Variants in PRC1 observed in about 807,000 individuals in gnomAD.
PRC1 encodes the protein anaphase spindle elongation 1 homolog.
A neutral mutation model predicts 91.2 loss-of-function variants in PRC1; 54 were observed. The observed-to-expected ratio is 0.59, with a 90% CI of 0.48 to 0.74. The LOEUF is 0.74. Among genes scored for constraint, PRC1 ranks in the 30% least tolerant of loss-of-function variants. The pLI is 0.00. For missense variants in PRC1, 727 were observed against 746.2 expected (o/e 0.97, Z 0.30); for synonymous variants, 275 against 263.6 (o/e 1.04, Z -0.42).
intron 3 of PRC1, among the ~76,000 whole-genome samples, chr15:90,983,286 G>C (rs184037189): frequency 6.6e-6 from 1 of 152,258 alleles, no homozygotes; most frequent in East Asian, 1.9e-4. Flanking sequence ...AACAGGAAGA[G>C]GGACCTGAGA....
chr15:90,977,281 A>C (rs2038802590), intron 8 of PRC1: 1 of 152,738 alleles, frequency 6.5e-6, no homozygotes, highest in Non-Finnish European at 1.5e-5. Context: ...ACTGACTTAT[A>C]AACACCACTA....
rs2038731805 is a variant in PRC1 at position 90,976,704 on chromosome 15, CGTT to C, written c.1172_1174del (p.Gln391del). 2 of 1,613,380 alleles carry C rather than the reference CGTT, an allele frequency of 1.2e-6. No homozygotes were observed. The highest frequency in any genetic ancestry group is 2.7e-5 in the African/African-American group (2 of 74,994). ...GGGCAGCATTTTCTGGAGCTTGGCT[CGTT>C]GTTTTTCTTCTTTTAGAAGATTTCC... On this transcript the variant is annotated inframe_deletion, in exon 9 of 15. Transcript: ENST00000394249.
intron 8 of PRC1, among the ~76,000 whole-genome samples, chr15:90,978,803 C>T (rs981013145): frequency 6.9e-6 from 1 of 144,914 alleles, no homozygotes; most frequent in African/African-American, 2.6e-5. Flanking sequence ...GGAGCTCTAG[C>T]AGCCATCCTG....
chr15:90,987,652 G>A (rs2039681310), intron 1 of PRC1: 2 of 152,102 alleles, frequency 1.3e-5, no homozygotes, highest in South Asian at 4.1e-4. Flanking sequence ...AACTAAGACT[G>A]CCCTGGCACC....
At chr15:90,982,864 C>T (rs543648525) in intron 3 of PRC1, 3 of 152,268 alleles carry the variant, frequency 2.0e-5, no homozygotes, top group African/African-American at 7.2e-5. Context: ...TGAACATCGT[C>T]TCACCTTAGC....
intron 1 of PRC1, among the ~76,000 whole-genome samples, chr15:90,992,950 C>T (rs1382423001): frequency 1.3e-5 from 2 of 151,210 alleles, no homozygotes; most frequent in Admixed American, 6.6e-5. Context: ...CAACCTGTTT[C>T]GGGGATCGAT....
rs76133275 is a variant in PRC1 at position 90,978,374 on chromosome 15, G to C, written c.1107+784C>G. Among the ~76,000 whole-genome samples the C allele has an allele frequency of 3.8e-3, 574 of 152,258 alleles. 8 individuals are homozygous for C. The highest frequency in any genetic ancestry group is 9.2e-3 in the African/African-American group (381 of 41,536). ...GCAGGTGACAGAGCATGTGAGCCAC[G>C]GTGCTGTGAAGAGAGCCGGGAAGAG... On this transcript the variant is annotated intron_variant, in intron 8 of 14. Coordinates refer to ENST00000394249, the MANE Select transcript of PRC1 (RefSeq NM_003981.4).
chr15:90,989,196 T>C (rs748284292), intron 1 of PRC1, among the ~76,000 whole-genome samples: 1 of 152,060 alleles, frequency 6.6e-6, no homozygotes, highest in Non-Finnish European at 1.5e-5. Flanking sequence ...AGACACTGCT[T>C]GTGGGCATGC....
chr15:90,967,858 A>G (rs2037660832), intron 14 of PRC1: 1 of 985,480 alleles, frequency 1.0e-6, no homozygotes, highest in Non-Finnish European at 1.2e-6. Context: ...GAGCTACTTT[A>G]GAGTTGTCAA....
intron 6 of PRC1, 39 bp downstream of exon 6, chr15:90,980,843 TAA>T (rs1213483209): frequency 1.2e-6 from 2 of 1,613,326 alleles, no homozygotes; most frequent in South Asian, 2.2e-5. Flanking sequence ...ACAGAAGTGC[TAA>T]GAGAAGACTG....
chr15:90,976,845 T>C lies in PRC1; in HGVS notation c.1108-74A>G, dbSNP rs2038744676. On this transcript the variant is annotated intron_variant, in intron 8 of 14. Transcript: ENST00000394249. The stretch of plus-strand genomic sequence containing the variant: ...CAATAACTTCTGCTAAGATTCTTTG[T>C]TCTCGCCAGGCGTGGTGACTCACAC... The C allele has an allele frequency of 2.3e-6, 3 of 1,312,150 alleles. No homozygotes were observed. The Admixed American group carries it at 5.4e-5, about 24-fold the overall frequency. 81.3% of individuals were successfully genotyped at this position (1,312,150 alleles called of 1,614,324 possible).
chr15:90,983,850 G>GA, intron 3 of PRC1, 168 bp downstream of exon 3: 1 of 860,522 alleles, frequency 1.2e-6, no homozygotes, highest in Non-Finnish European at 1.7e-6. Context: ...CTACAGAGGT[G>GA]AGAATTACTC....
At position 90,981,571 on chromosome 15, in the gene PRC1, C is replaced by A. The variant is rs978276358; in HGVS notation, c.600G>T (p.Val200=). The A allele has an allele frequency of 6.2e-7, 1 of 1,614,062 alleles. No individual in the cohort carries two copies. The highest frequency in any genetic ancestry group is 1.1e-5 in the South Asian group (1 of 91,080). ...AAAAGGCATCTTCGTCTTCACACAC[C>A]ACATCTCTTTCAAAGCTTGTGTCTG... ...HTPDTSFERD[V]VCEDEDAFCL... is the part of the protein sequence containing the mutation. Residue 200 remains valine (V), a synonymous_variant, in exon 5 of 15, where the codon GTG becomes GTT. Coordinates refer to ENST00000394249, the MANE Select transcript of PRC1 (RefSeq NM_003981.4).
Position 90,969,057 on chromosome 15 carries a change from A to G in PRC1, c.1791+22T>C, listed in dbSNP as rs199823897. ...TGACAGATCAGTTTGGAAAAGGGAC[A>G]TGCAGGGATTGCCATACAGACCTGA... On this transcript the variant is annotated intron_variant, in intron 14 of 14. Coordinates refer to ENST00000394249, the MANE Select transcript of PRC1 (RefSeq NM_003981.4). 7 of 1,614,112 alleles carry G rather than the reference A, an allele frequency of 4.3e-6. No homozygotes were observed. The South Asian group carries it at 6.6e-5, about 15-fold the overall frequency.
At chr15:90,980,148 G>T in intron 7 of PRC1, 94 bp downstream of exon 7, 1 of 1,419,328 alleles carries the variant, frequency 7.0e-7, no homozygotes, top group Non-Finnish European at 9.3e-7. Flanking sequence ...AAGTTGGGAG[G>T]ATTGTTTGAG....
At chr15:90,980,533 TTTTG>T (rs1232690017) in intron 6 of PRC1, 144 bp from the exon 7 acceptor site, 16 of 979,346 alleles carry the variant, frequency 1.6e-5, no homozygotes, top group African/African-American at 1.2e-4. Flanking sequence ...TTTTTTTTTT[TTTTG>T]AGACAGGGTC....
chr15:90,993,393 G>C (rs1055046742), intron 1 of PRC1, among the ~76,000 whole-genome samples: 23 of 151,874 alleles, frequency 1.5e-4, no homozygotes. Context: ...TTTTAGTTAA[G>C]ACAAGGTTTT....
At chr15:90,993,096 A>C (rs887594134) in intron 1 of PRC1, among the ~76,000 whole-genome samples, 1 of 151,174 alleles carries the variant, frequency 6.6e-6, no homozygotes, top group African/African-American at 2.4e-5. Context: ...AAAAAAAAAA[A>C]AAAAGTTAAT....
rs757416582 is a variant in PRC1, at chr15:90,974,541, A to C, written c.1350+44T>G. The C allele has an allele frequency of 6.2e-7, 1 of 1,611,186 alleles. No individual in the cohort carries two copies. ...GCAGAGACTATGGGCTGCTCAGATT[A>C]CTTTCTTCGTCTTTTCCCAATTTGC... is the stretch of plus-strand genomic sequence containing the variant. On this transcript the variant is annotated intron_variant, in intron 10 of 14. Transcript: ENST00000394249. This position sits in a 1 kb window ranked among gnomAD's most constrained non-coding sequence, Gnocchi z 4.6.
Sources: gnomAD v4.1 joint callset for allele counts (sites outside exome capture counted in the v4.1 genomes callset) on GRCh38, gnomAD v4.1.1 for gene constraint, Gnocchi (gnomAD v3.1) non-coding constraint, MANE v1.5 for transcripts, NCBI Gene and HGNC (gene_info 2026-07-23, HGNC 2026-07-21) for gene names.